Variants in LTBP2 observed in about 807,000 individuals in gnomAD.
LTBP2 encodes the protein latent-transforming growth factor beta-binding protein 2.
A neutral mutation model predicts 210.6 loss-of-function variants in LTBP2; 103 were observed. The ratio of observed to expected loss-of-function variants is 0.49; its 90% CI spans 0.42 to 0.58. The LOEUF (loss-of-function observed/expected upper bound fraction) is 0.58, where lower values mean the gene tolerates loss of function less well. Among genes scored for constraint, LTBP2 ranks in the 20% least tolerant of loss-of-function variants. LTBP2 has a pLI of 0.00. For missense variants in LTBP2, 2,313 were observed against 2,494.5 expected (o/e 0.93, Z 1.55); for synonymous variants, 1,007 against 1,015.0 (o/e 0.99, Z 0.15).
intron 30 of LTBP2, 126 bp from the exon 31 acceptor site, chr14:74,504,180 A>G (rs1008061929): frequency 3.8e-5 from 44 of 1,172,032 alleles, no homozygotes; most frequent in Non-Finnish European, 5.3e-5. Flanking sequence ...GCTTTGGGCA[A>G]GTTGCTTAAG....
chr14:74,546,905 G>T (rs1269714961), intron 8 of LTBP2, among the ~76,000 whole-genome samples: 1 of 152,244 alleles, frequency 6.6e-6, no homozygotes. Context: ...TTTTTCTCCT[G>T]CTCCCCACCC....
intron 8 of LTBP2, among the ~76,000 whole-genome samples, chr14:74,543,544 CCCT>C (rs1566631180): frequency 1.5e-5 from 1 of 64,914 alleles, no homozygotes; most frequent in Non-Finnish European, 3.4e-5. Context: ...CCTTTTTCCT[CCCT>C]CCCTCCCTTC....
At chr14:74,587,957 C>T (rs1227765090) in intron 2 of LTBP2, among the ~76,000 whole-genome samples, 6 of 152,204 alleles carry the variant, frequency 3.9e-5, no homozygotes, top group Non-Finnish European at 7.3e-5. Context: ...GTGCTCCAGC[C>T]GAGCTGGCCT....
intron 3 of LTBP2, among the ~76,000 whole-genome samples, chr14:74,571,618 A>C (rs897726587): frequency 9.9e-5 from 15 of 152,216 alleles, no homozygotes; most frequent in African/African-American, 3.6e-4. Context: ...ACCTTGTCCC[A>C]AGAACATCAA....
chr14:74,504,296 C>G (rs1015682209), intron 30 of LTBP2, among the ~76,000 whole-genome samples: 3 of 152,176 alleles, frequency 2.0e-5, no homozygotes, highest in Non-Finnish European at 4.4e-5. Flanking sequence ...TAGCCAGCAC[C>G]CAAGAAAAGC....
At chr14:74,599,299 C>G (rs2088412932) in intron 2 of LTBP2, among the ~76,000 whole-genome samples, 1 of 152,248 alleles carries the variant, frequency 6.6e-6, no homozygotes, top group Admixed American at 6.5e-5. Flanking sequence ...TGCCTGCCCC[C>G]TCCTCGACAG....
intron 2 of LTBP2, among the ~76,000 whole-genome samples, chr14:74,595,250 T>C (rs957707530): frequency 6.6e-6 from 1 of 152,102 alleles, no homozygotes; most frequent in African/African-American, 2.4e-5. Flanking sequence ...GCTGCAACAC[T>C]GGGCCAGGTC....
chr14:74,574,380 T>C (rs1290031133), intron 3 of LTBP2, among the ~76,000 whole-genome samples: 2 of 152,218 alleles, frequency 1.3e-5, no homozygotes, highest in Non-Finnish European at 2.9e-5. Context: ...CCTGTGCTCC[T>C]GGGTGCTGGT....
At position 74,610,110 on chromosome 14, in the gene LTBP2, A is replaced by G. The variant is rs576236513; in HGVS notation, c.494+1341T>C. On this transcript the variant is annotated intron_variant, in intron 1 of 35. Transcript: ENST00000261978. ...TACCAACCAGTGCAGGCACTATTCT[A>G]GGCACAAGAGACACAGAAATGGACA... 4.1e-4 allele frequency among the ~76,000 whole-genome samples: 63 copies of G among 152,368 alleles called. 1 individual carries two copies. The highest frequency in any genetic ancestry group is 3.0e-3 in the Admixed American group (46 of 15,314).
In LTBP2 at chr14:74,502,891, C is replaced by T. The variant is rs755758751; in HGVS notation, c.4932G>A (p.Glu1644=). 6.2e-7 allele frequency: 1 copy of T among 1,613,284 alleles called. No homozygotes were observed. The highest frequency in any genetic ancestry group is 8.5e-7 in the Non-Finnish European group (1 of 1,180,026). Reference sequence around the variant, plus strand: ...GCCGGAAGTGGACCCCGGCCTCCCGCTCTGCCTCAATGCGAGCCACGTTGC... The same window carrying T: ...GCCGGAAGTGGACCCCGGCCTCCCGTTCTGCCTCAATGCGAGCCACGTTGC... ...QLCNVARIEA[E]REAGVHFRPG... is the part of the protein sequence containing the mutation. The change falls in exon 34 of 36, where the codon GAG becomes GAA. Residue 1644 remains glutamate (E), a synonymous_variant. Transcript: ENST00000261978.
chr14:74,605,963 T>C (rs780761861), intron 1 of LTBP2, among the ~76,000 whole-genome samples: 3 of 152,144 alleles, frequency 2.0e-5, no homozygotes, highest in Non-Finnish European at 4.4e-5. Flanking sequence ...TATTAAAGTT[T>C]TGGGTGCAGG....
intron 1 of LTBP2, among the ~76,000 whole-genome samples, chr14:74,606,234 TG>T (rs1180843873): frequency 6.6e-6 from 1 of 152,200 alleles, no homozygotes; most frequent in Non-Finnish European, 1.5e-5. Context: ...GGGCCAAATC[TG>T]ATCACACTAG....
intron 17 of LTBP2, among the ~76,000 whole-genome samples, chr14:74,521,034 C>G (rs753045430): frequency 2.0e-5 from 3 of 152,188 alleles, no homozygotes; most frequent in Non-Finnish European, 2.9e-5. Flanking sequence ...CCCGCTCCTC[C>G]GTTAAGTTAG....
At chr14:74,580,158 G>C (rs1180961463) in intron 3 of LTBP2, among the ~76,000 whole-genome samples, 2 of 152,144 alleles carry the variant, frequency 1.3e-5, no homozygotes, top group Non-Finnish European at 2.9e-5. Flanking sequence ...TGGAGGGCAT[G>C]GTTTTAGATG....
At chr14:74,509,026 C>G in intron 22 of LTBP2, 74 bp from the exon 23 acceptor site, 2 of 1,600,640 alleles carry the variant, frequency 1.2e-6, no homozygotes, top group Admixed American at 1.7e-5. Context: ...GGGGAAGTCT[C>G]CAGAGGACCT....
intron 2 of LTBP2, among the ~76,000 whole-genome samples, chr14:74,589,014 A>C (rs913587895): frequency 6.6e-6 from 1 of 152,234 alleles, no homozygotes; most frequent in Non-Finnish European, 1.5e-5. Flanking sequence ...TGTTGGCTTC[A>C]AGTCAGCCAC....
chr14:74,545,037 T>C (rs2139738939), intron 8 of LTBP2, among the ~76,000 whole-genome samples: 1 of 152,314 alleles, frequency 6.6e-6, no homozygotes, highest in Admixed American at 6.5e-5. Flanking sequence ...CCAAATCTTC[T>C]TGACGGATAT....
At chr14:74,539,889 G>A (rs2087470550) in intron 8 of LTBP2, among the ~76,000 whole-genome samples, 1 of 152,232 alleles carries the variant, frequency 6.6e-6, no homozygotes, top group Non-Finnish European at 1.5e-5. Flanking sequence ...CCACCCATTA[G>A]TCTGGATACA....
At chr14:74,512,318 G>A (rs973331678) in intron 18 of LTBP2, among the ~76,000 whole-genome samples, 2 of 152,186 alleles carry the variant, frequency 1.3e-5, no homozygotes, top group African/African-American at 2.4e-5. Flanking sequence ...AAAGAGGAGG[G>A]GTTCTTCTTC....
Sources: gnomAD v4.1 joint callset for allele counts (sites outside exome capture counted in the v4.1 genomes callset) on GRCh38, gnomAD v4.1.1 for gene constraint, MANE v1.5 for transcripts, NCBI Gene and HGNC (gene_info 2026-07-23, HGNC 2026-07-21) for gene names.